ORC4: variants seen among roughly 807,000 people sequenced by gnomAD.
The protein encoded by ORC4 is origin recognition complex, subunit 4 homolog.
A neutral mutation model predicts 63.9 loss-of-function variants in ORC4; 55 were observed. The ratio of observed to expected loss-of-function variants is 0.86; its 90% CI spans 0.69 to 1.08. The LOEUF is 1.08. Ranked by LOEUF, ORC4 falls within the 50% of genes least tolerant of loss-of-function variation. The probability of loss-of-function intolerance (pLI) is 0.00; values close to 1 mark genes in which losing one functional copy is unlikely to be tolerated. For synonymous variants in ORC4, 150 were observed against 168.5 expected (o/e 0.89, Z 0.85); for missense variants, 511 against 504.4 (o/e 1.01, Z -0.13).
At chr2:147,957,140 AT>A (rs1689301321) in intron 6 of ORC4, among the ~76,000 whole-genome samples, 1 of 147,736 alleles carries the variant, frequency 6.8e-6, no homozygotes, top group African/African-American at 2.5e-5. Context: ...ATAATCTATA[AT>A]TACATATAAT....
intron 8 of ORC4, among the ~76,000 whole-genome samples, chr2:147,951,882 A>G (rs953489531): frequency 1.3e-4 from 20 of 152,208 alleles, no homozygotes; most frequent in African/African-American, 4.6e-4. Context: ...ACTATAGTTA[A>G]AATCATTCTA....
chr2:147,979,343 A>T (rs2105365331), intron 1 of ORC4, among the ~76,000 whole-genome samples: 1 of 152,296 alleles, frequency 6.6e-6, no homozygotes, highest in Non-Finnish European at 1.5e-5. Flanking sequence ...ACCAGTCCTA[A>T]TTACAATAGC....
chr2:148,008,786 C>A (rs2105456879), intron 1 of ORC4, among the ~76,000 whole-genome samples: 1 of 152,284 alleles, frequency 6.6e-6, no homozygotes, highest in East Asian at 1.9e-4. Context: ...GGGATTAGAA[C>A]CCCTTCCCAT....
At position 147,965,948 on chromosome 2, in the gene ORC4, G is replaced by A. The variant is rs115790008; in HGVS notation, c.225+6791C>T. Among the ~76,000 whole-genome samples the A allele has an allele frequency of 9.4e-3, 1,432 of 152,288 alleles. 10 individuals are homozygous for A. Among genetic ancestry groups the A allele is most frequent in the Non-Finnish European group, 0.015 (1,015 of 68,018 alleles). On this transcript the variant is annotated intron_variant, in intron 4 of 13. Transcript: ENST00000392857. ...TGGCTAGGTGTGGTAGCTCACACCTGTAACCCCAACACTTTGAGACGCCAA... is the reference window on the plus strand; with the variant it reads ...TGGCTAGGTGTGGTAGCTCACACCTATAACCCCAACACTTTGAGACGCCAA...
chr2:148,007,603 G>T (rs1450785809), intron 1 of ORC4, among the ~76,000 whole-genome samples: 2 of 152,164 alleles, frequency 1.3e-5, no homozygotes, highest in Non-Finnish European at 2.9e-5. Flanking sequence ...TAATCTAAGA[G>T]TTACTGGCCT....
intron 10 of ORC4, among the ~76,000 whole-genome samples, chr2:147,942,152 C>A (rs937939325): frequency 6.6e-6 from 1 of 152,050 alleles, no homozygotes; most frequent in East Asian, 1.9e-4. Context: ...GTACTACTAG[C>A]ATCAACAGTA....
At chr2:147,979,358 A>G (rs1435217742) in intron 1 of ORC4, among the ~76,000 whole-genome samples, 1 of 152,186 alleles carries the variant, frequency 6.6e-6, no homozygotes. Context: ...AATAGCATCA[A>G]AAACAAATTA....
intron 4 of ORC4, 87 bp from the exon 5 acceptor site, chr2:147,958,953 G>C (rs1430391024): frequency 1.6e-6 from 1 of 640,848 alleles, no homozygotes; most frequent in African/African-American, 1.9e-5. Flanking sequence ...AGTAAGAACA[G>C]AATATAAATA....
chr2:148,009,175 A>C (rs1180020395), intron 1 of ORC4, among the ~76,000 whole-genome samples: 1 of 152,104 alleles, frequency 6.6e-6, no homozygotes, highest in Non-Finnish European at 1.5e-5. Context: ...TGCACAAAAA[A>C]ATAAAAAGCA....
intron 1 of ORC4, among the ~76,000 whole-genome samples, chr2:148,013,155 C>A (rs184534675): frequency 1.3e-5 from 2 of 152,168 alleles, no homozygotes; most frequent in Non-Finnish European, 2.9e-5. Flanking sequence ...CAGCACTATA[C>A]ACAATAGCCA....
chr2:147,941,150 C>T (rs1385298122), intron 10 of ORC4, among the ~76,000 whole-genome samples: 1 of 152,066 alleles, frequency 6.6e-6, no homozygotes, highest in African/African-American at 2.4e-5. Context: ...TGAGGTTTTA[C>T]CCATGTTGAG....
chr2:148,006,461 A>G (rs114932756), intron 1 of ORC4, among the ~76,000 whole-genome samples: 519 of 152,300 alleles, frequency 3.4e-3, no homozygotes, highest in East Asian at 8.3e-3. Flanking sequence ...GATAAAACCC[A>G]GTGCAATACC....
At chr2:147,947,516 T>C (rs1279657127) in intron 9 of ORC4, among the ~76,000 whole-genome samples, 1 of 151,986 alleles carries the variant, frequency 6.6e-6, no homozygotes, top group Non-Finnish European at 1.5e-5. Flanking sequence ...TGCCTTTGTA[T>C]CTAAGACTCT....
In ORC4 at chr2:147,972,814, C is replaced by A. The variant is rs770653343; in HGVS notation, c.150G>T (p.Leu50=). The change falls in exon 4 of 14, where the codon CTG becomes CTT. Residue 50 remains leucine, a synonymous_variant. Transcript: ENST00000392857. ...VQVQYKHLSE[L]LKRTALHGES... is the part of the protein sequence containing the mutation. Reference sequence around the variant, plus strand: ...CTCCATGGAGAGCAGTTCTTTTCAGCAGCTCACTTAAGTGTCTAAAATGAT... The same window carrying A: ...CTCCATGGAGAGCAGTTCTTTTCAGAAGCTCACTTAAGTGTCTAAAATGAT... 6.2e-7 allele frequency: 1 copy of A among 1,608,926 alleles called. No homozygotes were observed. The highest frequency in any genetic ancestry group is 2.2e-5 in the East Asian group (1 of 44,774).
intron 2 of ORC4, 56 bp from the exon 3 acceptor site, chr2:147,973,580 AT>A: frequency 1.0e-6 from 1 of 982,648 alleles, no homozygotes; most frequent in Non-Finnish European, 1.6e-6. Context: ...GATATAAAAA[AT>A]AAATAAGAAA....
At chr2:147,996,673 G>A (rs1163810669) in intron 1 of ORC4, among the ~76,000 whole-genome samples, 1 of 152,184 alleles carries the variant, frequency 6.6e-6, no homozygotes, top group African/African-American at 2.4e-5. Context: ...AACATCATAT[G>A]TCAATAGGGA....
In ORC4 at chr2:147,985,927, A is replaced by C. The variant is rs1192605111; in HGVS notation, c.-17-9952T>G. On this transcript the variant is annotated intron_variant, in intron 1 of 13. Coordinates refer to ENST00000392857, the MANE Select transcript of ORC4 (RefSeq NM_181741.4). ...TTAGTCTCAACTGGCATGAAAAAAA[A>C]CCCTGCAAACATCAGAAAGTTCATC... 2.6e-5 allele frequency among the ~76,000 whole-genome samples: 4 copies of C among 152,130 alleles called. No individual in the cohort carries two copies. The East Asian group carries it at 5.8e-4, about 22-fold the overall frequency.
rs1371137308 is a variant in ORC4 at position 147,934,812 on chromosome 2, C to T, written c.*698G>A. On this transcript the variant is annotated 3_prime_UTR_variant, in exon 14 of 14. Transcript: ENST00000392857. ...CCACCCTTTATACAATGTCATTGAC[C>T]AAAATGTTACGTGGTGCCATGACTA... 2 of 152,078 alleles carry T rather than the reference C, an allele frequency of 1.3e-5. No homozygotes were observed. The highest frequency in any genetic ancestry group is 4.8e-5 in the African/African-American group (2 of 41,400). The allele number at this position is 152,078 out of a possible 1,614,324, so 9.4% of individuals were successfully genotyped here.
Position 147,943,524 on chromosome 2 carries a change from T to C in ORC4, c.763-2A>G. 2 of 1,361,868 alleles carry C rather than the reference T, an allele frequency of 1.5e-6. No individual in the cohort carries two copies. Among genetic ancestry groups the C allele is most frequent in the Non-Finnish European group, 2.0e-6 (2 of 992,592 alleles). The allele number at this position is 1,361,868 out of a possible 1,614,324, so 84.4% of individuals were successfully genotyped here. A position where few individuals can be genotyped will look rare whatever the true frequency, so the allele number is the denominator to read the frequency against. On this transcript the variant is annotated splice_acceptor_variant, in intron 9 of 13. Coordinates refer to ENST00000392857, the MANE Select transcript of ORC4 (RefSeq NM_181741.4). LOFTEE classifies it high-confidence loss of function. ...CACACTTCTATCTTCTGAGAGATACTAAAAGGAAAAAAAAAAAAAAAGCCA... is the reference window on the plus strand; with the variant it reads ...CACACTTCTATCTTCTGAGAGATACCAAAAGGAAAAAAAAAAAAAAAGCCA...
Sources: gnomAD v4.1 joint callset for allele counts (sites outside exome capture counted in the v4.1 genomes callset) on GRCh38, gnomAD v4.1.1 for gene constraint, MANE v1.5 for transcripts, NCBI Gene and HGNC (gene_info 2026-07-23, HGNC 2026-07-21) for gene names.